The following GLIS3 variants were observed in gnomAD, a reference collection of about 807,000 sequenced individuals.
GLIS3 encodes zinc finger protein GLIS3.
A neutral mutation model predicts 78.6 loss-of-function variants in GLIS3; 53 were observed. That is an observed-to-expected ratio of 0.67 (90% CI 0.54 to 0.85). The LOEUF (loss-of-function observed/expected upper bound fraction) is 0.85. GLIS3 is among the 40% of genes least tolerant of loss of function. The probability of loss-of-function intolerance (pLI) is 0.00; values close to 1 mark genes in which losing one functional copy is unlikely to be tolerated. For missense variants in GLIS3, 1,703 were observed against 1,231.1 expected (o/e 1.38, Z -5.74); for synonymous variants, 684 against 509.9 (o/e 1.34, Z -4.60).
chr9:4,174,985 G>T (rs989671783), intron 2 of GLIS3, among the ~76,000 whole-genome samples: 12 of 152,232 alleles, frequency 7.9e-5, no homozygotes, highest in Non-Finnish European at 1.6e-4. Flanking sequence ...GGTGCAAAGG[G>T]AAGGGATCAG....
chr9:3,879,786 C>T (rs1821607300), intron 7 of GLIS3, among the ~76,000 whole-genome samples, 191 bp from the exon 8 acceptor site: 1 of 152,114 alleles, frequency 6.6e-6, no homozygotes, highest in Non-Finnish European at 1.5e-5. Context: ...TCCTCCGGAG[C>T]TCACGTCTGG....
At chr9:4,329,659 G>C (rs568944034) in intron 2 of GLIS3, among the ~76,000 whole-genome samples, 2 of 152,090 alleles carry the variant, frequency 1.3e-5, no homozygotes, top group African/African-American at 2.4e-5. Context: ...CAGGATGAGA[G>C]AGAAATTTAA....
the GLIS3 span, among the ~76,000 whole-genome samples, chr9:4,418,529 T>C: frequency 6.6e-6 from 1 of 152,128 alleles, no homozygotes; most frequent in African/African-American, 2.4e-5. Context: ...TGAAGCCCCG[T>C]GTCTACTAAA....
intron 2 of GLIS3, among the ~76,000 whole-genome samples, chr9:4,162,446 A>C (rs573401885): frequency 6.6e-6 from 1 of 152,316 alleles, no homozygotes; most frequent in Non-Finnish European, 1.5e-5. Flanking sequence ...GAACATTTGC[A>C]GACAAAATAA....
chr9:4,100,729 G>C, intron 4 of GLIS3, among the ~76,000 whole-genome samples: 1 of 152,098 alleles, frequency 6.6e-6, no homozygotes, highest in Non-Finnish European at 1.5e-5. Context: ...TAATATTGAG[G>C]GGGGGACAAA....
intron 3 of GLIS3, among the ~76,000 whole-genome samples, chr9:4,309,205 C>A (rs1261568626): frequency 1.3e-5 from 2 of 152,246 alleles, no homozygotes; most frequent in African/African-American, 2.4e-5. Context: ...ACTCTCCTGT[C>A]ATTCCCTCCA....
intron 4 of GLIS3, among the ~76,000 whole-genome samples, chr9:4,002,788 C>T (rs983916916): frequency 6.6e-6 from 1 of 152,126 alleles, no homozygotes; most frequent in Non-Finnish European, 1.5e-5. Context: ...CTGAGGAAAA[C>T]TTTTGTTTCC....
At chr9:3,835,661 T>G (rs192432012) in intron 9 of GLIS3, among the ~76,000 whole-genome samples, 19 of 152,366 alleles carry the variant, frequency 1.2e-4, no homozygotes, top group African/African-American at 4.6e-4. Flanking sequence ...CAGTATCTAC[T>G]TGTAATCACA....
intron 2 of GLIS3, among the ~76,000 whole-genome samples, chr9:4,167,247 C>T (rs932816526): frequency 6.6e-6 from 1 of 151,772 alleles, no homozygotes; most frequent in African/African-American, 2.4e-5. Context: ...GTATGTATTT[C>T]GTTGGTCAAA....
intron 6 of GLIS3, among the ~76,000 whole-genome samples, chr9:3,904,734 G>T (rs2130642382): frequency 6.6e-6 from 1 of 152,270 alleles, no homozygotes; most frequent in African/African-American, 2.4e-5. Context: ...GATACTGTGT[G>T]CCTCACAACT....
At chr9:3,853,107 G>A (rs945034006) in intron 9 of GLIS3, among the ~76,000 whole-genome samples, 1 of 152,136 alleles carries the variant, frequency 6.6e-6, no homozygotes, top group African/African-American at 2.4e-5. Context: ...GGCTGCTTGG[G>A]AGGCTAAAAT....
At chr9:3,958,739 G>T (rs1047620550) in intron 4 of GLIS3, among the ~76,000 whole-genome samples, 1 of 152,192 alleles carries the variant, frequency 6.6e-6, no homozygotes, top group African/African-American at 2.4e-5. Flanking sequence ...TATAATAAAA[G>T]ATACAAGTAA....
intron 7 of GLIS3, among the ~76,000 whole-genome samples, chr9:3,883,294 A>G (rs547063890): frequency 5.3e-5 from 8 of 152,320 alleles, no homozygotes; most frequent in African/African-American, 1.9e-4. Flanking sequence ...TTATGCATTC[A>G]TTCTTCCAAA....
chr9:4,020,360 TG>T (rs1321863801), intron 4 of GLIS3, among the ~76,000 whole-genome samples: 5 of 152,194 alleles, frequency 3.3e-5, no homozygotes, highest in African/African-American at 1.2e-4. Context: ...GCTTGGGTGC[TG>T]TGAGCACACT....
rs1217340433 is a variant in GLIS3, at chr9:4,253,057, T to C, written c.388+32981A>G. On this transcript the variant is annotated intron_variant, in intron 2 of 10. Transcript: ENST00000381971. ...GTATGAAGTCTCTGTCAACCCCTGA[T>C]GGGAGGTGTCTCACGATTAGGAGGC... 2.0e-5 allele frequency among the ~76,000 whole-genome samples: 3 copies of C among 152,170 alleles called. No homozygotes were observed. In the East Asian group the frequency reaches 5.8e-4, roughly 29 times the overall value.
chr9:4,245,684 G>A (rs1444443582), intron 2 of GLIS3, among the ~76,000 whole-genome samples: 1 of 152,108 alleles, frequency 6.6e-6, no homozygotes. Context: ...CAATGTTTGA[G>A]GTGATGGATA....
chr9:4,051,552 A>G (rs1173252289), intron 4 of GLIS3, among the ~76,000 whole-genome samples: 2 of 152,222 alleles, frequency 1.3e-5, no homozygotes, highest in Non-Finnish European at 2.9e-5. Context: ...AAGCCCAAAG[A>G]GGCCTAACTA....
At chr9:3,969,817 C>G (rs938804818) in intron 4 of GLIS3, among the ~76,000 whole-genome samples, 2 of 152,188 alleles carry the variant, frequency 1.3e-5, no homozygotes, top group South Asian at 2.1e-4. Flanking sequence ...GCTAGGCAAT[C>G]CAGCACCTCT....
At chr9:4,148,789 T>C (rs553075857) in intron 2 of GLIS3, among the ~76,000 whole-genome samples, 33 of 152,022 alleles carry the variant, frequency 2.2e-4, no homozygotes, top group African/African-American at 8.0e-4. Flanking sequence ...AAAATAAAAA[T>C]AAAATAAACA....
Sources: allele counts gnomAD v4.1 joint callset (sites outside exome capture counted in the v4.1 genomes callset), GRCh38; gene constraint gnomAD v4.1.1; transcripts MANE v1.5; gene names NCBI Gene and HGNC (gene_info 2026-07-23, HGNC 2026-07-21).